CELF2: variants seen among roughly 807,000 people sequenced by gnomAD.
The protein encoded by CELF2 is CUGBP Elav-like family member 2.
A neutral mutation model predicts 62.6 loss-of-function variants in CELF2; 8 were observed. That is an observed-to-expected ratio of 0.13 (90% CI 0.07 to 0.23). The LOEUF is 0.23. CELF2 is among the 10% of genes least tolerant of loss of function. The pLI is 1.00. For missense variants in CELF2, 333 were observed against 671.0 expected (o/e 0.50, Z 5.56); for synonymous variants, 258 against 250.0 (o/e 1.03, Z -0.30).
chr10:11,236,288 G>A (rs1397817814), intron 3 of CELF2, among the ~76,000 whole-genome samples: 1 of 152,216 alleles, frequency 6.6e-6, no homozygotes, highest in Non-Finnish European at 1.5e-5. Flanking sequence ...AGATTTTAAA[G>A]ATTTGCTTGT....
chr10:10,728,674 A>G, the CELF2 span, among the ~76,000 whole-genome samples: 8 of 152,092 alleles, frequency 5.3e-5, no homozygotes, highest in Non-Finnish European at 8.8e-5. Flanking sequence ...GTCATTTGCT[A>G]TTTTATTGAA....
At chr10:10,581,794 C>T in the CELF2 span, among the ~76,000 whole-genome samples, 1 of 152,068 alleles carries the variant, frequency 6.6e-6, no homozygotes, top group African/African-American at 2.4e-5. Flanking sequence ...CTTTGGGAGG[C>T]CAAGGTGGGC....
At chr10:10,666,334 G>A in the CELF2 span, among the ~76,000 whole-genome samples, 1 of 152,138 alleles carries the variant, frequency 6.6e-6, no homozygotes, top group African/African-American at 2.4e-5. Flanking sequence ...GTCAGTGGGG[G>A]CAGGTTGTGG....
chr10:10,658,357 T>G, the CELF2 span, among the ~76,000 whole-genome samples: 7 of 152,218 alleles, frequency 4.6e-5, no homozygotes, highest in Admixed American at 4.6e-4. Context: ...ACATTTCCAC[T>G]TTTGTAGATT....
At chr10:11,051,839 C>G (rs1288563618) in intron 1 of CELF2, among the ~76,000 whole-genome samples, 1 of 151,508 alleles carries the variant, frequency 6.6e-6, no homozygotes, top group Non-Finnish European at 1.5e-5. Context: ...ATCTAATGAT[C>G]TTAACTGCTT....
chr10:11,208,019 G>A (rs772373458), intron 2 of CELF2, among the ~76,000 whole-genome samples: 4 of 152,170 alleles, frequency 2.6e-5, no homozygotes, highest in Non-Finnish European at 5.9e-5. Context: ...GGTGGACCCT[G>A]TTAGAGGTGG....
chr10:11,030,605 G>A (rs928412987), intron 1 of CELF2: 3 of 152,270 alleles, frequency 2.0e-5, no homozygotes, highest in African/African-American at 4.8e-5. Flanking sequence ...AAAGCCTGAG[G>A]TTGCACCTCT....
chr10:10,664,188 A>G, the CELF2 span, among the ~76,000 whole-genome samples: 2 of 152,196 alleles, frequency 1.3e-5, no homozygotes, highest in Non-Finnish European at 2.9e-5. Context: ...ACTAAAAATA[A>G]TAGGCATATC....
At chr10:10,687,606 A>T in the CELF2 span, among the ~76,000 whole-genome samples, 1 of 152,220 alleles carries the variant, frequency 6.6e-6, no homozygotes, top group African/African-American at 2.4e-5. Context: ...ACTCACTGAG[A>T]TTCCTGAATT....
At chr10:10,561,564 C>A in the CELF2 span, among the ~76,000 whole-genome samples, 3 of 152,060 alleles carry the variant, frequency 2.0e-5, no homozygotes, top group Non-Finnish European at 4.4e-5. Context: ...TTGATGAGTG[C>A]TAAGGAGAAA....
chr10:11,036,311 C>G (rs1206398894), intron 1 of CELF2, among the ~76,000 whole-genome samples: 1 of 152,160 alleles, frequency 6.6e-6, no homozygotes, highest in African/African-American at 2.4e-5. Context: ...TGTTTAGAGG[C>G]TATAGCTTCT....
chr10:10,934,782 C>T lies in CELF2; in HGVS notation c.89+14783C>T, dbSNP rs1051545889. 6.6e-6 allele frequency: 1 copy of T among 152,130 alleles called. No homozygotes were observed. The highest frequency in any genetic ancestry group is 2.4e-5 in the African/African-American group (1 of 41,428). The allele number at this position is 152,130 out of a possible 1,614,324, so 9.4% of individuals were successfully genotyped here. A position where few individuals can be genotyped will look rare whatever the true frequency, so the allele number is the denominator to read the frequency against. The stretch of plus-strand genomic sequence containing the variant: ...GTTTGAGCATTTAGTAAGAAAGCAT[C>T]TTGTATGTTGTTTGCATGGAGGTTC... On this transcript the variant is annotated intron_variant, in intron 2 of 13. Transcript: ENST00000636488. The surrounding 1 kb of genome is among the most constrained non-coding windows in gnomAD (Gnocchi z 4.4).
the CELF2 span, among the ~76,000 whole-genome samples, chr10:10,747,359 G>A: frequency 6.6e-6 from 1 of 152,166 alleles, no homozygotes; most frequent in Non-Finnish European, 1.5e-5. Flanking sequence ...TTGCTTTCTT[G>A]GAGTTTTCAG....
intron 1 of CELF2, among the ~76,000 whole-genome samples, chr10:11,087,447 C>T (rs2047119833): frequency 6.6e-6 from 1 of 152,118 alleles, no homozygotes; most frequent in Non-Finnish European, 1.5e-5. Flanking sequence ...CTGAAATTGC[C>T]CAGGTGAAGG....
the CELF2 span, among the ~76,000 whole-genome samples, chr10:10,741,666 A>G: frequency 0.25 from 38,085 of 151,966 alleles, 5,399 homozygotes; most frequent in African/African-American, 0.38. Flanking sequence ...AGTGCTTCAA[A>G]TCAGTGTTCA....
chr10:11,213,714 G>T (rs907689913), intron 2 of CELF2, among the ~76,000 whole-genome samples: 11 of 152,208 alleles, frequency 7.2e-5, no homozygotes, highest in Admixed American at 2.6e-4. Flanking sequence ...ACACACTACA[G>T]TCCTGCTGGG....
At chr10:11,091,981 A>T (rs755473362) in intron 1 of CELF2, among the ~76,000 whole-genome samples, 1 of 152,218 alleles carries the variant, frequency 6.6e-6, no homozygotes, top group Non-Finnish European at 1.5e-5. Context: ...TATAATACTG[A>T]TCAATATCCT....
At chr10:11,014,865 A>G (rs750857052), upstream of CELF2, among the ~76,000 whole-genome samples, 1 of 152,060 alleles carries the variant, frequency 6.6e-6, no homozygotes, top group Non-Finnish European at 1.5e-5. Flanking sequence ...ACAATTAGGG[A>G]AGGTAGGGGG....
chr10:10,949,826 CAAAAAAAAA>C (rs35952853), intron 2 of CELF2, among the ~76,000 whole-genome samples: 2 of 82,270 alleles, frequency 2.4e-5, no homozygotes, highest in Admixed American at 1.3e-4. Context: ...ACACACACAC[CAAAAAAAAA>C]AAAAAAAAAA....
Sources: gnomAD v4.1 joint callset for allele counts (sites outside exome capture counted in the v4.1 genomes callset) on GRCh38, gnomAD v4.1.1 for gene constraint, Gnocchi (gnomAD v3.1) non-coding constraint, MANE v1.5 for transcripts, NCBI Gene and HGNC (gene_info 2026-07-23, HGNC 2026-07-21) for gene names.